HPS4: variants seen among roughly 807,000 people sequenced by gnomAD.
HPS4 encodes the protein HPS4 biogenesis of lysosomal organelles complex 3 subunit 2, also known as BLOC-3 complex member HPS4.
A neutral mutation model predicts 70.3 loss-of-function variants in HPS4; 44 were observed. The observed-to-expected ratio is 0.63, with a 90% CI of 0.49 to 0.80. HPS4 has a LOEUF of 0.80. Among genes scored for constraint, HPS4 ranks in the 30% least tolerant of loss-of-function variants. The probability of loss-of-function intolerance (pLI) is 0.00; values close to 1 mark genes in which losing one functional copy is unlikely to be tolerated. For missense variants in HPS4, 873 were observed against 884.4 expected (o/e 0.99, Z 0.16); for synonymous variants, 377 against 355.9 (o/e 1.06, Z -0.67).
At chr22:26,472,064 G>C (rs1295169771) in intron 6 of HPS4, among the ~76,000 whole-genome samples, 1 of 152,164 alleles carries the variant, frequency 6.6e-6, no homozygotes, top group South Asian at 2.1e-4. Flanking sequence ...CATTTACTTG[G>C]TGTCATTTGA....
At chr22:26,483,506 G>A (rs560646849) in intron 1 of HPS4, among the ~76,000 whole-genome samples, 168 bp downstream of exon 1, 2 of 152,244 alleles carry the variant, frequency 1.3e-5, no homozygotes, top group African/African-American at 4.8e-5. Flanking sequence ...AGCCCCCGGG[G>A]CGCAGGCAGC....
intron 4 of HPS4, chr22:26,475,347 CTTTTTTTTTTTTT>C (rs5844705): frequency 2.1e-5 from 2 of 95,644 alleles, no homozygotes; most frequent in Non-Finnish European, 4.1e-5. Context: ...CATTAAATTT[CTTTTTTTTTTTTT>C]TTTTTTTTTG....
At position 26,457,883 on chromosome 22, in the gene HPS4, G is replaced by C. The variant is rs373905924; in HGVS notation, c.1931C>G (p.Pro644Arg). 6.2e-7 allele frequency: 1 copy of C among 1,614,218 alleles called. No homozygotes were observed. Among genetic ancestry groups the C allele is most frequent in the Non-Finnish European group, 8.5e-7 (1 of 1,180,020 alleles). ...CCTGACAGTCATTTCATAAAGCGCG[G>C]GCAGCTGGGCAAATTCGCTATGCAT... ...SLMHSEFAQL[P>R]ALYEMTVRNA... Residue 644 changes from proline (P) to arginine (R), a missense_variant, in exon 13 of 14, where the codon CCC becomes CGC. Pro to Arg is a moderately radical substitution (Grantham distance 103, BLOSUM62 -2). Transcript: ENST00000398145.
rs1157366764 is a variant in HPS4 at position 26,464,182 on chromosome 22, A to G, written c.1448T>C (p.Leu483Pro). ...RLDPGQRGNKLPTGEQGLDED... is the reference protein window; with the variant it reads ...RLDPGQRGNKPPTGEQGLDED... ...ATCCAGGCCTTGTTCCCCCGTGGGA[A>G]GCTTGTTTCCTCTCTGTCCTGGATC... Residue 483 changes from leucine (L) to proline (P), a missense_variant, in exon 11 of 14, where the codon CTT becomes CCT. By Grantham distance (98) the Leu-to-Pro change is moderately conservative. Coordinates refer to ENST00000398145, the MANE Select transcript of HPS4 (RefSeq NM_022081.6). 3 of 1,614,100 alleles carry G rather than the reference A, an allele frequency of 1.9e-6. No individual in the cohort carries two copies. In the African/African-American group the frequency reaches 4.0e-5, roughly 22 times the overall value.
At position 26,464,016 on chromosome 22, in the gene HPS4, G is replaced by A. The variant is rs748133574; in HGVS notation, c.1614C>T (p.Leu538=). The A allele has an allele frequency of 1.5e-5, 24 of 1,614,100 alleles. 1 individual carries two copies. The highest frequency in any genetic ancestry group is 8.8e-5 in the South Asian group (8 of 91,090). The change falls in exon 11 of 14, where the codon CTC becomes CTT. Residue 538 remains leucine, a synonymous_variant. Transcript: ENST00000398145. ...RLTPAESCMG[L]VRMNLYTHCV... is the part of the protein sequence containing the mutation. ...AGTGAGTGTAGAGATTCATCCTCACGAGCCCCATGCAGGACTCTGCTGGTG... is the reference window on the plus strand; with the variant it reads ...AGTGAGTGTAGAGATTCATCCTCACAAGCCCCATGCAGGACTCTGCTGGTG...
At chr22:26,459,817 T>C (rs1471325611) in intron 11 of HPS4, among the ~76,000 whole-genome samples, 1 of 152,248 alleles carries the variant, frequency 6.6e-6, no homozygotes, top group Non-Finnish European at 1.5e-5. Flanking sequence ...TCTAAAGTGC[T>C]ATCCTGAGGC....
At chr22:26,472,719 GAC>G (rs1244510874) in intron 5 of HPS4, 111 bp downstream of exon 5, 1 of 893,980 alleles carries the variant, frequency 1.1e-6, no homozygotes, top group African/African-American at 1.6e-5. Context: ...CTTGTCCCCA[GAC>G]ACAATGTGTT....
rs751823743 is a variant in HPS4, at chr22:26,464,412, G to C, written c.1218C>G (p.Leu406=). 19 of 1,614,092 alleles carry C rather than the reference G, an allele frequency of 1.2e-5. No homozygotes were observed. The highest frequency in any genetic ancestry group is 1.5e-5 in the Non-Finnish European group (18 of 1,180,042). Residue 406 remains leucine, a synonymous_variant, in exon 11 of 14, where the codon CTC becomes CTG. Transcript: ENST00000398145. ...TGGGTTCCAGGCTGCTGGAGGCGCT[G>C]AGAGATGCCTTGCAGTAAGGAGCCC... ...DGRAPYCKAS[L]SASSSLEPTP... is the part of the protein sequence containing the mutation.
At chr22:26,460,933 G>C (rs541801677) in intron 11 of HPS4, among the ~76,000 whole-genome samples, 21 of 152,340 alleles carry the variant, frequency 1.4e-4, no homozygotes, top group African/African-American at 5.1e-4. Flanking sequence ...GTCTATGGCT[G>C]TTTTTGTACT....
intron 4 of HPS4, among the ~76,000 whole-genome samples, chr22:26,473,454 G>A (rs766895489): frequency 4.6e-5 from 7 of 152,216 alleles, no homozygotes; most frequent in African/African-American, 7.2e-5. Context: ...AATGCTGAGC[G>A]TAGTGGTTAG....
chr22:26,473,261 C>T (rs1490778655), intron 4 of HPS4, among the ~76,000 whole-genome samples: 1 of 152,192 alleles, frequency 6.6e-6, no homozygotes, highest in Non-Finnish European at 1.5e-5. Flanking sequence ...ATAATGCTGA[C>T]CTTTTTTCTG....
At chr22:26,474,956 G>T (rs572858254) in intron 4 of HPS4, among the ~76,000 whole-genome samples, 2 of 152,302 alleles carry the variant, frequency 1.3e-5, no homozygotes, top group African/African-American at 4.8e-5. Context: ...GGAGTAACTG[G>T]AATTCTCATA....
intron 2 of HPS4, chr22:26,479,824 C>G (rs545491981): frequency 2.8e-6 from 1 of 362,832 alleles, no homozygotes; most frequent in African/African-American, 2.2e-5. Flanking sequence ...TTACTGAGGG[C>G]CCACAGTGTG....
At chr22:26,476,416 A>G (rs550626537) in intron 4 of HPS4, 57 of 152,422 alleles carry the variant, frequency 3.7e-4, no homozygotes, top group Non-Finnish European at 7.6e-4. Context: ...AGTGGCAATC[A>G]TGGCTCACTG....
chr22:26,458,743 G>A (rs1284014915), intron 11 of HPS4, among the ~76,000 whole-genome samples, 166 bp from the exon 12 acceptor site: 1 of 151,164 alleles, frequency 6.6e-6, no homozygotes, highest in Non-Finnish European at 1.5e-5. Flanking sequence ...GATCACTTAA[G>A]CCAGGAGTTT....
At position 26,451,992 on chromosome 22, in the gene HPS4, GCGCGCGCGCGCGCACACACA is replaced by G. The variant is rs1181343483; in HGVS notation, c.*1221_*1240del. On this transcript the variant is annotated 3_prime_UTR_variant, in exon 14 of 14. Coordinates refer to ENST00000398145, the MANE Select transcript of HPS4 (RefSeq NM_022081.6). ...AGAGGGATGCGCCCACGTTACGCGC[GCGCGCGCGCGCGCACACACA>G]CACACACACACACACACACACACAC... 2.9e-4 allele frequency: 6 copies of G among 20,958 alleles called. No homozygotes were observed. Among genetic ancestry groups the G allele is most frequent in the Middle Eastern group, 0.013 (1 of 76 alleles). 1.3% of individuals were successfully genotyped at this position (20,958 alleles called of 1,614,324 possible).
At chr22:26,466,079 C>G in intron 9 of HPS4, 147 bp downstream of exon 9, 1 of 1,577,534 alleles carries the variant, frequency 6.3e-7, no homozygotes, top group Non-Finnish European at 8.6e-7. Flanking sequence ...TAACTCGATT[C>G]TTGAAGCTCC....
intron 13 of HPS4, chr22:26,453,948 G>A (rs1303190921): frequency 1.2e-5 from 2 of 169,116 alleles, no homozygotes; most frequent in East Asian, 3.3e-4. Context: ...ACAGGAGTGG[G>A]ATGTGACACG....
chr22:26,475,350 T>TC (rs1472829246), intron 4 of HPS4: 2 of 143,500 alleles, frequency 1.4e-5, no homozygotes, highest in African/African-American at 2.6e-5. Flanking sequence ...TAAATTTCTT[T>TC]TTTTTTTTTT....
Sources: gnomAD v4.1 joint callset for allele counts (sites outside exome capture counted in the v4.1 genomes callset) on GRCh38, gnomAD v4.1.1 for gene constraint, MANE v1.5 for transcripts, NCBI Gene and HGNC (gene_info 2026-07-23, HGNC 2026-07-21) for gene names.